Variants in FAM120A observed in about 807,000 individuals in gnomAD.
The protein encoded by FAM120A is constitutive coactivator of PPAR-gamma-like protein 1.
In FAM120A, 15 loss-of-function variants were observed where a neutral mutation model predicts 109.7. The observed-to-expected ratio is 0.14, with a 90% CI of 0.09 to 0.21. The LOEUF (loss-of-function observed/expected upper bound fraction) is 0.21. Ranked by LOEUF, FAM120A falls within the 10% of genes least tolerant of loss-of-function variation. FAM120A has a pLI of 1.00. For missense variants in FAM120A, 899 were observed against 1,439.3 expected (o/e 0.62, Z 6.07); for synonymous variants, 493 against 572.8 (o/e 0.86, Z 1.99).
At chr9:93,468,322 T>G (rs1188864431) in intron 1 of FAM120A, among the ~76,000 whole-genome samples, 2 of 152,242 alleles carry the variant, frequency 1.3e-5, no homozygotes, top group African/African-American at 4.8e-5. Flanking sequence ...TTTTTAATTT[T>G]TTTTGGTGCT....
intron 1 of FAM120A, among the ~76,000 whole-genome samples, chr9:93,459,584 A>G (rs1045015018): frequency 1.3e-5 from 2 of 152,190 alleles, no homozygotes; most frequent in Non-Finnish European, 2.9e-5. Flanking sequence ...TGGGTTGAGG[A>G]GGTTCATTTA....
chr9:93,466,130 A>G (rs1197932532), intron 1 of FAM120A, among the ~76,000 whole-genome samples: 1 of 152,014 alleles, frequency 6.6e-6, no homozygotes, highest in Non-Finnish European at 1.5e-5. Context: ...CCTTTCGCTT[A>G]TTTATAACAT....
At chr9:93,480,948 C>T (rs1858771691) in intron 3 of FAM120A, among the ~76,000 whole-genome samples, 2 of 152,182 alleles carry the variant, frequency 1.3e-5, no homozygotes, top group Non-Finnish European at 1.5e-5. Flanking sequence ...AAATGGAAGG[C>T]GTCAGGCAGC....
chr9:93,502,219 G>T (rs1180453670), intron 5 of FAM120A, among the ~76,000 whole-genome samples: 1 of 152,074 alleles, frequency 6.6e-6, no homozygotes, highest in Non-Finnish European at 1.5e-5. Context: ...TGGAATATGT[G>T]TAGAGTTTTG....
intron 3 of FAM120A, among the ~76,000 whole-genome samples, chr9:93,484,243 G>A (rs1858939864): frequency 6.6e-6 from 1 of 151,954 alleles, no homozygotes; most frequent in Non-Finnish European, 1.5e-5. Context: ...TCACAGATTA[G>A]GAGTAGGTCT....
At chr9:93,549,743 G>T (rs1057330548) in intron 11 of FAM120A, among the ~76,000 whole-genome samples, 1 of 152,204 alleles carries the variant, frequency 6.6e-6, no homozygotes, top group Admixed American at 6.5e-5. Flanking sequence ...TGATCAGCTG[G>T]CAACTTGATT....
Position 93,477,968 on chromosome 9 carries a change from A to T in FAM120A, c.804+1630A>T, listed in dbSNP as rs138768316. 6.6e-3 allele frequency among the ~76,000 whole-genome samples: 1,005 copies of T among 152,306 alleles called. 14 individuals carry two copies. The highest frequency in any genetic ancestry group is 0.023 in the African/African-American group (971 of 41,550). On this transcript the variant is annotated intron_variant, in intron 3 of 17. Coordinates refer to ENST00000277165, the MANE Select transcript of FAM120A (RefSeq NM_014612.5). ...CCATCTTGGTTCAACAATTATAAAC[A>T]TTTTGCCATAAAGTATATGTCTGTG...
intron 3 of FAM120A, among the ~76,000 whole-genome samples, chr9:93,478,476 C>T (rs1858643690): frequency 6.6e-6 from 1 of 152,058 alleles, no homozygotes; most frequent in Non-Finnish European, 1.5e-5. Flanking sequence ...ATTTGTTAGC[C>T]ACTTTAATGT....
intron 3 of FAM120A, among the ~76,000 whole-genome samples, chr9:93,485,727 G>A (rs1364118489): frequency 2.7e-5 from 4 of 150,746 alleles, no homozygotes; most frequent in Non-Finnish European, 5.9e-5. Context: ...CTCTTGCTGT[G>A]TCTTTGAGAC....
chr9:93,557,122 T>G (rs557663078), intron 13 of FAM120A, among the ~76,000 whole-genome samples: 47 of 132,166 alleles, frequency 3.6e-4, no homozygotes, highest in Admixed American at 1.1e-3. Context: ...TGTTTGTTTG[T>G]TTTGGTTTTT....
chr9:93,471,457 G>A (rs1858310566), intron 2 of FAM120A, 70 bp downstream of exon 2: 1 of 1,570,602 alleles, frequency 6.4e-7, no homozygotes, highest in Non-Finnish European at 8.7e-7. Context: ...TCTTTTAAGT[G>A]TTTCTGTGCT....
chr9:93,544,714 G>GC (rs1564354967), intron 11 of FAM120A, among the ~76,000 whole-genome samples: 1 of 152,110 alleles, frequency 6.6e-6, no homozygotes, highest in East Asian at 1.9e-4. Context: ...GAGCTGTTAG[G>GC]CTTGTTGTCC....
intron 3 of FAM120A, 122 bp from the exon 4 acceptor site, chr9:93,497,349 T>C: frequency 8.0e-7 from 1 of 1,250,690 alleles, no homozygotes; most frequent in Non-Finnish European, 1.1e-6. Context: ...AAGTGGACAA[T>C]CATTGGGCAC....
At chr9:93,544,135 G>A (rs72745433) in intron 11 of FAM120A, among the ~76,000 whole-genome samples, 308 of 152,298 alleles carry the variant, frequency 2.0e-3, no homozygotes, top group South Asian at 4.6e-3. Flanking sequence ...TTCACTTGAG[G>A]TTATATCCAG....
rs143532764 is a variant in FAM120A, at chr9:93,460,026, G to C, written c.474+7637G>C. Among the ~76,000 whole-genome samples the C allele has an allele frequency of 2.4e-3, 368 of 152,220 alleles. 1 individual carries two copies. The highest frequency in any genetic ancestry group is 8.2e-3 in the African/African-American group (341 of 41,534). ...ATTTTCTGAATCAAAATACACGCAG[G>C]TATACTTCCTCCTATGTCTAACATG... On this transcript the variant is annotated intron_variant, in intron 1 of 17. Transcript: ENST00000277165.
In FAM120A at chr9:93,535,960, C is replaced by T. The variant is rs113912608; in HGVS notation, c.1909+3631C>T. Among the ~76,000 whole-genome samples, 725 of 152,318 alleles carry T rather than the reference C, an allele frequency of 4.8e-3. 11 individuals are homozygous for T. Among genetic ancestry groups the T allele is most frequent in the African/African-American group, 0.016 (670 of 41,582 alleles). On this transcript the variant is annotated intron_variant, in intron 10 of 17. Coordinates refer to ENST00000277165, the MANE Select transcript of FAM120A (RefSeq NM_014612.5). Reference sequence around the variant, plus strand: ...TAGCTGACTAAATACTGACCCTGCTCAGGCCATTGATTTAAACTTCATTAC... The same window carrying T: ...TAGCTGACTAAATACTGACCCTGCTTAGGCCATTGATTTAAACTTCATTAC...
intron 3 of FAM120A, among the ~76,000 whole-genome samples, chr9:93,486,535 C>CTT (rs139344165): frequency 2.9e-5 from 4 of 138,576 alleles, no homozygotes; most frequent in Admixed American, 7.2e-5. Context: ...TTTCTTTTTT[C>CTT]TTTTTTTTTT....
intron 3 of FAM120A, among the ~76,000 whole-genome samples, chr9:93,478,432 G>A (rs573381141): frequency 2.0e-5 from 3 of 152,206 alleles, no homozygotes; most frequent in South Asian, 4.1e-4. Context: ...TGAAATGCAA[G>A]TGCACCTGGT....
chr9:93,502,491 A>G (rs16909202), intron 5 of FAM120A, among the ~76,000 whole-genome samples: 5,481 of 151,982 alleles, frequency 0.036, 168 homozygotes, highest in African/African-American at 0.07. Flanking sequence ...CTGTAAATCT[A>G]TCTGCAATAT....
Sources: allele counts gnomAD v4.1 joint callset (sites outside exome capture counted in the v4.1 genomes callset), GRCh38; gene constraint gnomAD v4.1.1; transcripts MANE v1.5; gene names NCBI Gene and HGNC (gene_info 2026-07-23, HGNC 2026-07-21).